GALNTL6: variants seen among roughly 807,000 people sequenced by gnomAD.
The protein encoded by GALNTL6 is polypeptide N-acetylgalactosaminyltransferase like 6, also known as polypeptide N-acetylgalactosaminyltransferase-like 6.
Under a neutral mutation model 73.7 loss-of-function variants are expected in GALNTL6, and 46 were observed. That is an observed-to-expected ratio of 0.62 (90% CI 0.49 to 0.80). The LOEUF (loss-of-function observed/expected upper bound fraction) is 0.80. Ranked by LOEUF, GALNTL6 falls within the 30% of genes least tolerant of loss-of-function variation. The pLI is 0.00. For missense variants in GALNTL6, 604 were observed against 755.0 expected (o/e 0.80, Z 2.34); for synonymous variants, 259 against 263.7 (o/e 0.98, Z 0.17).
At chr4:172,069,619 CAT>C (rs369207012) in intron 2 of GALNTL6, among the ~76,000 whole-genome samples, 114 of 6,452 alleles carry the variant, frequency 0.018, 29 homozygotes, top group East Asian at 0.041. Context: ...ATATATATAA[CAT>C]ATATATATAT....
intron 5 of GALNTL6, among the ~76,000 whole-genome samples, chr4:172,609,623 CTCTGTGTGTG>C (rs1364900925): frequency 6.7e-4 from 62 of 92,620 alleles, no homozygotes; most frequent in East Asian, 4.0e-3. Flanking sequence ...CTCTCTCTCT[CTCTGTGTGTG>C]TGTGTGTGTG....
At chr4:172,656,680 T>C (rs574084948) in intron 5 of GALNTL6, among the ~76,000 whole-genome samples, 1 of 152,338 alleles carries the variant, frequency 6.6e-6, no homozygotes, top group South Asian at 2.1e-4. Context: ...CAATTAACTA[T>C]TAATTTCCTT....
intron 2 of GALNTL6, among the ~76,000 whole-genome samples, chr4:171,981,323 T>C (rs1739890510): frequency 6.6e-6 from 1 of 152,212 alleles, no homozygotes; most frequent in South Asian, 2.1e-4. Flanking sequence ...CATTGTTACA[T>C]AAACAGTAGG....
intron 5 of GALNTL6, among the ~76,000 whole-genome samples, chr4:172,411,150 C>A (rs1579047312): frequency 1.3e-5 from 2 of 152,050 alleles, no homozygotes; most frequent in Non-Finnish European, 2.9e-5. Flanking sequence ...GTTTAGTCAG[C>A]AAACATGAAT....
intron 5 of GALNTL6, among the ~76,000 whole-genome samples, chr4:172,482,596 C>T: frequency 6.6e-6 from 1 of 152,384 alleles, no homozygotes; most frequent in South Asian, 2.1e-4. Context: ...ATTATATACT[C>T]TAAGATATTC....
chr4:172,388,329 G>T (rs144215364), intron 5 of GALNTL6, among the ~76,000 whole-genome samples: 1 of 152,022 alleles, frequency 6.6e-6, no homozygotes, highest in African/African-American at 2.4e-5. Flanking sequence ...ATCATAGAAC[G>T]CAATGCTCTA....
At chr4:172,216,206 A>T (rs1414350079) in intron 2 of GALNTL6, among the ~76,000 whole-genome samples, 1 of 152,038 alleles carries the variant, frequency 6.6e-6, no homozygotes, top group Non-Finnish European at 1.5e-5. Flanking sequence ...TTCTTTTAAC[A>T]TTTATTGTTG....
chr4:172,674,845 A>G (rs190338950), intron 5 of GALNTL6, among the ~76,000 whole-genome samples: 33 of 152,272 alleles, frequency 2.2e-4, no homozygotes, highest in Non-Finnish European at 1.3e-4. Flanking sequence ...GCTTTTCTGT[A>G]CTGTCTATCT....
chr4:171,933,484 A>G (rs970410547), intron 2 of GALNTL6, among the ~76,000 whole-genome samples: 2 of 152,190 alleles, frequency 1.3e-5, no homozygotes, highest in African/African-American at 4.8e-5. Flanking sequence ...TCAAGTATCT[A>G]TAAATGAGAA....
chr4:171,968,998 G>A (rs181153138), intron 2 of GALNTL6, among the ~76,000 whole-genome samples: 248 of 151,998 alleles, frequency 1.6e-3, no homozygotes, highest in African/African-American at 5.5e-3. Flanking sequence ...CACCACGCCC[G>A]GCTAATTTTT....
chr4:172,314,600 CTTTTTTTTTTTTT>C (rs773057515), intron 4 of GALNTL6, among the ~76,000 whole-genome samples: 2 of 70,674 alleles, frequency 2.8e-5, no homozygotes, highest in Non-Finnish European at 4.9e-5. Flanking sequence ...AATGCGTAGG[CTTTTTTTTTTTTT>C]TTTTTTTTTT....
At chr4:172,238,197 G>C (rs966473139) in intron 3 of GALNTL6, among the ~76,000 whole-genome samples, 3 of 152,254 alleles carry the variant, frequency 2.0e-5, no homozygotes, top group African/African-American at 4.8e-5. Context: ...TGGGCAGTAT[G>C]GCATTTTAAC....
chr4:172,916,089 A>C (rs1747491455), intron 8 of GALNTL6, among the ~76,000 whole-genome samples: 3 of 152,242 alleles, frequency 2.0e-5, no homozygotes, highest in Admixed American at 2.0e-4. Context: ...AGGCTGGTTC[A>C]ACATATGCAA....
intron 3 of GALNTL6, among the ~76,000 whole-genome samples, chr4:172,238,455 C>T (rs1287611890): frequency 6.6e-6 from 1 of 152,014 alleles, no homozygotes; most frequent in Non-Finnish European, 1.5e-5. Context: ...GATTTTGTAT[C>T]CTGAAACATT....
chr4:172,521,974 A>G (rs986032816), intron 5 of GALNTL6, among the ~76,000 whole-genome samples: 2 of 152,190 alleles, frequency 1.3e-5, no homozygotes, highest in Non-Finnish European at 2.9e-5. Context: ...TTTCATTAAT[A>G]TCCCCCCAAA....
rs79777192 is a variant in GALNTL6 at position 172,312,394 on chromosome 4, T to G, written c.386+642T>G. On this transcript the variant is annotated intron_variant, in intron 4 of 12. Transcript: ENST00000506823. The stretch of plus-strand genomic sequence containing the variant: ...CACCCCCATCTACATCTAACATCAC[T>G]TATTGTACTTTTCATTTTAATGTGT... Among the ~76,000 whole-genome samples, 1,011 of 152,316 alleles carry G rather than the reference T, an allele frequency of 6.6e-3. 10 individuals are homozygous for G. Among genetic ancestry groups the G allele is most frequent in the African/African-American group, 0.018 (737 of 41,570 alleles).
At chr4:172,378,726 G>T (rs1743147386) in intron 5 of GALNTL6, among the ~76,000 whole-genome samples, 1 of 151,910 alleles carries the variant, frequency 6.6e-6, no homozygotes, top group Non-Finnish European at 1.5e-5. Flanking sequence ...ACAATGTGAA[G>T]AAATATAGTG....
At chr4:172,735,451 A>T (rs927005138) in intron 5 of GALNTL6, among the ~76,000 whole-genome samples, 13 of 152,088 alleles carry the variant, frequency 8.5e-5, no homozygotes, top group African/African-American at 3.1e-4. Flanking sequence ...CCCCCATTGT[A>T]TCTAGGAAGT....
intron 2 of GALNTL6, among the ~76,000 whole-genome samples, chr4:172,145,422 GTAT>G (rs1234262535): frequency 6.6e-6 from 1 of 152,074 alleles, no homozygotes; most frequent in Non-Finnish European, 1.5e-5. Flanking sequence ...TTATAGGCGT[GTAT>G]TATTATTTTT....
Sources: gnomAD v4.1 joint callset for allele counts (sites outside exome capture counted in the v4.1 genomes callset) on GRCh38, gnomAD v4.1.1 for gene constraint, MANE v1.5 for transcripts, NCBI Gene and HGNC (gene_info 2026-07-23, HGNC 2026-07-21) for gene names.